DNAH6: variants seen among roughly 807,000 people sequenced by gnomAD.
DNAH6 encodes the protein dynein axonemal heavy chain 6.
DNAH6 carries 340 observed loss-of-function variants against 491.4 expected under a neutral mutation model. The ratio of observed to expected loss-of-function variants is 0.69; its 90% CI spans 0.63 to 0.76. DNAH6 has a LOEUF of 0.76. DNAH6 is among the 30% of genes least tolerant of loss of function. The pLI is 0.00. For missense variants in DNAH6, 4,443 were observed against 4,972.2 expected (o/e 0.89, Z 3.20); for synonymous variants, 1,603 against 1,686.1 (o/e 0.95, Z 1.21).
intron 60 of DNAH6, among the ~76,000 whole-genome samples, chr2:84,724,723 C>T (rs989582333): frequency 1.1e-4 from 17 of 152,180 alleles, no homozygotes; most frequent in African/African-American, 4.1e-4. Flanking sequence ...CTGCCATGGC[C>T]TCTCCTTGTG....
the DNAH6 span, among the ~76,000 whole-genome samples, chr2:84,475,016 C>G: frequency 1.3e-5 from 2 of 152,222 alleles, no homozygotes; most frequent in Non-Finnish European, 2.9e-5. Context: ...CTGAGCAATT[C>G]TTTCCCCTGG....
the DNAH6 span, among the ~76,000 whole-genome samples, chr2:84,488,955 C>A: frequency 6.6e-6 from 1 of 152,122 alleles, no homozygotes; most frequent in East Asian, 1.9e-4. Context: ...CAGATAAGCC[C>A]TCACCATAAG....
Position 84,705,689 on chromosome 2 carries a change from T to C in DNAH6, c.8669T>C (p.Leu2890Ser), listed in dbSNP as rs1282155003. ...SMCMWVRAMDLYSRVVKVVEP... is the reference protein window; with the variant it reads ...SMCMWVRAMDSYSRVVKVVEP... The stretch of plus-strand genomic sequence containing the variant: ...TGCATGTGGGTAAGAGCTATGGATT[T>C]GTACTCTCGAGTGGTCAAGGTCGTC... The change falls in exon 52 of 77, where the codon TTG becomes TCG. Residue 2890 changes from leucine (L) to serine (S), a missense_variant. Coordinates refer to ENST00000389394, the MANE Select transcript of DNAH6 (RefSeq NM_001370.2). 6.4e-7 allele frequency: 1 copy of C among 1,551,822 alleles called. No homozygotes were observed. Among genetic ancestry groups the C allele is most frequent in the Admixed American group, 2.0e-5 (1 of 50,998 alleles).
intron 41 of DNAH6, among the ~76,000 whole-genome samples, chr2:84,678,493 AATT>A (rs1693469355): frequency 1.3e-5 from 2 of 152,182 alleles, no homozygotes; most frequent in African/African-American, 4.8e-5. Flanking sequence ...GAAGAGACTG[AATT>A]TGCAATTTAT....
rs774648613 is a variant in DNAH6, at chr2:84,704,166, C to T, written c.8329C>T (p.Leu2777=). ...TGCTCAAAGAGATCTTGACGAGGCA[C>T]TACCTGCACTAGATGCTGCCAATAA... ...DDAQRDLDEA[L]PALDAANKAL... is the part of the protein sequence containing the mutation. Residue 2777 remains leucine (L), a synonymous_variant, in exon 51 of 77, where the codon CTA becomes TTA. Transcript: ENST00000389394. 40 of 1,551,774 alleles carry T rather than the reference C, an allele frequency of 2.6e-5. No individual in the cohort carries two copies. Among genetic ancestry groups the T allele is most frequent in the Non-Finnish European group, 3.4e-5 (39 of 1,147,030 alleles).
chr2:84,703,557 G>T lies in DNAH6; in HGVS notation c.8224G>T (p.Asp2742Tyr). 1 of 1,550,058 alleles carries T rather than the reference G, an allele frequency of 6.5e-7. No individual in the cohort carries two copies. The highest frequency in any genetic ancestry group is 8.7e-7 in the Non-Finnish European group (1 of 1,146,048). ...EKLAVDQESA[D>Y]QVRNTVQEDE... ...ATTGGCAGTGGATCAAGAAAGTGCC[G>T]ATCAGGTATGCTGCAGTTCCTGAGA... The change falls in exon 50 of 77, where the codon GAT becomes TAT. Residue 2742 changes from aspartate to tyrosine, a missense_variant. Coordinates refer to ENST00000389394, the MANE Select transcript of DNAH6 (RefSeq NM_001370.2).
chr2:84,616,800 T>C, intron 22 of DNAH6, 86 bp from the exon 23 acceptor site: 1 of 591,714 alleles, frequency 1.7e-6, no homozygotes, highest in Non-Finnish European at 2.8e-6. Flanking sequence ...GATTCATAAA[T>C]TGATTACATT....
At chr2:84,640,905 A>G (rs757113296) in intron 32 of DNAH6, among the ~76,000 whole-genome samples, 2 of 152,224 alleles carry the variant, frequency 1.3e-5, no homozygotes, top group Non-Finnish European at 2.9e-5. Flanking sequence ...ATAAGATGGT[A>G]TGACTAGACT....
intron 41 of DNAH6, among the ~76,000 whole-genome samples, chr2:84,679,919 C>T (rs1296230143): frequency 6.6e-6 from 1 of 152,126 alleles, no homozygotes; most frequent in Non-Finnish European, 1.5e-5. Context: ...GTATTTGTGT[C>T]ATGGAGAACA....
chr2:84,698,048 T>C (rs1004721367), intron 47 of DNAH6, among the ~76,000 whole-genome samples: 19 of 152,186 alleles, frequency 1.2e-4, no homozygotes, highest in Non-Finnish European at 1.3e-4. Context: ...TGTGGCGGGC[T>C]GAAGGCATAG....
In DNAH6 at chr2:84,650,795, C is replaced by G. The variant is rs537326240; in HGVS notation, c.5079-2524C>G. Among the ~76,000 whole-genome samples the G allele has an allele frequency of 3.9e-5, 6 of 152,272 alleles. No individual in the cohort carries two copies. The South Asian group carries it at 1.2e-3, about 32-fold the overall frequency. On this transcript the variant is annotated intron_variant, in intron 33 of 76. Transcript: ENST00000389394. ...CAGTGTTAGCATCTATTGATTGTCT[C>G]TCTTAGTTCAGTTTGAGATCTTTCT...
chr2:84,701,719 A>C (rs2104826933), intron 49 of DNAH6, among the ~76,000 whole-genome samples: 1 of 152,292 alleles, frequency 6.6e-6, no homozygotes, highest in East Asian at 1.9e-4. Context: ...TCATGATGAC[A>C]GCACCAAAGG....
intron 4 of DNAH6, among the ~76,000 whole-genome samples, chr2:84,530,285 G>A (rs931280342): frequency 2.6e-5 from 4 of 152,174 alleles, no homozygotes; most frequent in African/African-American, 9.6e-5. Context: ...CTGGGGAAGA[G>A]GTTGTGAATT....
chr2:84,694,258 G>A lies in DNAH6; in HGVS notation c.7302G>A (p.Arg2434=), dbSNP rs1357122969. ...DAIEHVSRIA[R]MIRQERGNAL... ...GCTCTGATGTTTGCAGGATTGCTCG[G>A]ATGATACGTCAAGAAAGAGGCAATG... Residue 2434 remains arginine (R), a synonymous_variant, in exon 46 of 77, where the codon CGG becomes CGA. Transcript: ENST00000389394. The A allele has an allele frequency of 1.9e-6, 3 of 1,551,764 alleles. No individual in the cohort carries two copies. In the East Asian group the frequency reaches 7.3e-5, roughly 38 times the overall value.
intron 62 of DNAH6, among the ~76,000 whole-genome samples, chr2:84,741,498 A>G (rs1672522553): frequency 6.6e-6 from 1 of 152,192 alleles, no homozygotes. Context: ...AGCTCAGCCC[A>G]GCATTAAACT....
At chr2:84,749,152 A>T (rs895897947) in intron 63 of DNAH6, among the ~76,000 whole-genome samples, 1 of 152,222 alleles carries the variant, frequency 6.6e-6, no homozygotes, top group Non-Finnish European at 1.5e-5. Context: ...ATATTTCAAC[A>T]TGAGATTTGG....
chr2:84,765,514 T>A (rs1387977594), intron 64 of DNAH6, among the ~76,000 whole-genome samples: 1 of 152,076 alleles, frequency 6.6e-6, no homozygotes, highest in Non-Finnish European at 1.5e-5. Flanking sequence ...ATAGAATCAC[T>A]ATATTCGCTT....
chr2:84,727,154 T>A (rs1698713148), intron 60 of DNAH6, among the ~76,000 whole-genome samples: 1 of 152,210 alleles, frequency 6.6e-6, no homozygotes, highest in African/African-American at 2.4e-5. Context: ...GTTGAAGATG[T>A]GAAAAAACTG....
At chr2:84,771,823 C>G (rs941393494) in intron 64 of DNAH6, among the ~76,000 whole-genome samples, 2 of 152,138 alleles carry the variant, frequency 1.3e-5, no homozygotes, top group Non-Finnish European at 2.9e-5. Flanking sequence ...ACAAGAAATA[C>G]TAAAAGGAGT....
Sources: allele counts gnomAD v4.1 joint callset (sites outside exome capture counted in the v4.1 genomes callset), GRCh38; gene constraint gnomAD v4.1.1; transcripts MANE v1.5; gene names NCBI Gene and HGNC (gene_info 2026-07-23, HGNC 2026-07-21).